Variants in PPOX observed in about 807,000 individuals in gnomAD.
PPOX encodes protoporphyrinogen oxidase.
Under a neutral mutation model 54.1 loss-of-function variants are expected in PPOX, and 23 were observed. The observed-to-expected ratio is 0.43, with a 90% CI of 0.31 to 0.60. The LOEUF is 0.60. Among genes scored for constraint, PPOX ranks in the 20% least tolerant of loss-of-function variants. The pLI, the probability that PPOX is intolerant of heterozygous loss-of-function variation, is 0.13. For synonymous variants in PPOX, 224 were observed against 236.1 expected (o/e 0.95, Z 0.47); for missense variants, 512 against 601.1 (o/e 0.85, Z 1.55).
downstream of PPOX, chr1:161,175,202 G>A: frequency 6.2e-7 from 1 of 1,613,528 alleles, no homozygotes; most frequent in Non-Finnish European, 8.5e-7. Context: ...GATGGCACTG[G>A]GCTAAAGGAC....
chr1:161,167,651 G>A lies in PPOX; in HGVS notation c.338+165G>A, dbSNP rs182987175. On this transcript the variant is annotated intron_variant, in intron 4 of 12. Transcript: ENST00000367999. ...GCGATCTTGGCTCACTGCAACTTCC[G>A]CCTTTCGGGTTCAAGCGATTCTCCT... The A allele has an allele frequency of 4.6e-4, 454 of 987,010 alleles. 2 individuals are homozygous for A. In the African/African-American group the frequency reaches 7.9e-3, roughly 17 times the overall value. 61.1% of individuals were successfully genotyped at this position (987,010 alleles called of 1,614,324 possible). A position where few individuals can be genotyped will look rare whatever the true frequency, so the allele number is the denominator to read the frequency against.
At chr1:161,176,602 T>A in intron 4 of PPOX, 1 of 543,280 alleles carries the variant, frequency 1.8e-6, no homozygotes, top group South Asian at 2.3e-5. Flanking sequence ...TGGTAAAGGA[T>A]AACTAGCTAC....
rs758987522 is a variant in PPOX at position 161,166,929 on chromosome 1, C to A, written c.82C>A (p.Pro28Thr). ...CCACCTGAGCCGGGCCCCCTGCCCC[C>A]CTAAGGTGAGTGCTCCACTTGTGCC... ...SYHLSRAPCP[P>T]KVVLVESSER... Residue 28 changes from proline to threonine, a missense_variant, in exon 2 of 13, where the codon CCT becomes ACT. Transcript: ENST00000367999. The A allele has an allele frequency of 1.5e-5, 24 of 1,613,876 alleles. No individual in the cohort carries two copies. Among genetic ancestry groups the A allele is most frequent in the Middle Eastern group, 1.6e-4 (1 of 6,082 alleles).
Position 161,169,066 on chromosome 1 carries a change from T to C in PPOX, c.690T>C (p.Arg230=), listed in dbSNP as rs1558030014. The change falls in exon 7 of 13, where the codon CGT becomes CGC. Residue 230 remains arginine (R), a synonymous_variant. Coordinates refer to ENST00000367999, the MANE Select transcript of PPOX (RefSeq NM_001122764.3). ...AGCGCTGGAGCCAGTGGTCACTTCGTGGAGGTCTAGAGATGTTGCCTCAGG... is the reference window on the plus strand; with the variant it reads ...AGCGCTGGAGCCAGTGGTCACTTCGCGGAGGTCTAGAGATGTTGCCTCAGG... The part of the protein sequence containing the change: ...LAERWSQWSL[R]GGLEMLPQAL... The C allele has an allele frequency of 5.6e-6, 9 of 1,614,200 alleles. No individual in the cohort carries two copies. The highest frequency in any genetic ancestry group is 6.8e-6 in the Non-Finnish European group (8 of 1,180,036).
chr1:161,171,275 C>T (rs924674223), downstream of PPOX: 39 of 1,584,086 alleles, frequency 2.5e-5, no homozygotes, highest in African/African-American at 4.0e-5. Flanking sequence ...AGCAAAGAGG[C>T]AAAGTGTGCC....
Position 161,171,023 on chromosome 1 carries a change from T to G in PPOX, c.1292-11T>G. 6.2e-7 allele frequency: 1 copy of G among 1,614,224 alleles called. No individual in the cohort carries two copies. Among genetic ancestry groups the G allele is most frequent in the Non-Finnish European group, 8.5e-7 (1 of 1,180,036 alleles). Reference sequence around the variant, plus strand: ...CCCAGCTAAAACATTCCTTTCATCCTTTCCTTCCAGAGTCAGCTAGGCAAT... The same window carrying G: ...CCCAGCTAAAACATTCCTTTCATCCGTTCCTTCCAGAGTCAGCTAGGCAAT... On this transcript the variant is annotated splice_polypyrimidine_tract_variant and intron_variant, in intron 12 of 12. Coordinates refer to ENST00000367999, the MANE Select transcript of PPOX (RefSeq NM_001122764.3).
chr1:161,171,426 C>A, downstream of PPOX: 1 of 640,056 alleles, frequency 1.6e-6, no homozygotes, highest in Admixed American at 2.9e-5. Flanking sequence ...GCTTCCTTCA[C>A]CAAACAACTT....
At chr1:161,173,751 T>C (rs201558506), downstream of PPOX, 4,996 of 1,614,020 alleles carry the variant, frequency 3.1e-3, 12 homozygotes, top group Non-Finnish European at 3.8e-3. Flanking sequence ...GATCCTTGCA[T>C]ACCCCGAGTC....
At position 161,168,646 on chromosome 1, in the gene PPOX, T is replaced by G. The variant is rs1659987282; in HGVS notation, c.616+70T>G. ...AAAGTGAGGGAGTGGGGACAAGGGG[T>G]GCTATTCAATGATTCTTTTTTTCTT... On this transcript the variant is annotated intron_variant, in intron 6 of 12. Transcript: ENST00000367999. 2.6e-6 allele frequency: 4 copies of G among 1,564,384 alleles called. No homozygotes were observed. In the East Asian group the frequency reaches 9.0e-5, roughly 35 times the overall value.
At chr1:161,176,071 A>C (rs373176632), downstream of PPOX, 20 of 1,612,938 alleles carry the variant, frequency 1.2e-5, no homozygotes, top group Non-Finnish European at 1.7e-5. Context: ...CCTGGGGGTG[A>C]GATCTAGGGA....
chr1:161,166,364 C>G, upstream of PPOX: 1 of 1,051,168 alleles, frequency 9.5e-7, no homozygotes. Context: ...CCGGGGCCTT[C>G]CAAGTCCCGC....
intron 5 of PPOX, 119 bp from the exon 6 acceptor site, chr1:161,168,313 A>G: frequency 6.4e-7 from 1 of 1,560,246 alleles, no homozygotes; most frequent in South Asian, 1.1e-5. Context: ...CATCCGTCAC[A>G]GTGGGAATGT....
chr1:161,173,615 TGTC>T, downstream of PPOX: 1 of 1,613,986 alleles, frequency 6.2e-7, no homozygotes, highest in Non-Finnish European at 8.5e-7. Flanking sequence ...CTGGTAGCAA[TGTC>T]GTCATCCTCA....
Position 161,166,928 on chromosome 1 carries a change from CCCT to C in PPOX, c.82_84del (p.Pro28del). On this transcript the variant is annotated inframe_deletion, in exon 2 of 13. Coordinates refer to ENST00000367999, the MANE Select transcript of PPOX (RefSeq NM_001122764.3). The stretch of plus-strand genomic sequence containing the variant: ...ACCACCTGAGCCGGGCCCCCTGCCC[CCCT>C]AAGGTGAGTGCTCCACTTGTGCCAG... The C allele has an allele frequency of 6.2e-7, 1 of 1,613,976 alleles. No individual in the cohort carries two copies. Among genetic ancestry groups the C allele is most frequent in the South Asian group, 1.1e-5 (1 of 91,086 alleles).
rs1243106058 is a variant in PPOX, at chr1:161,168,141, A to G, written c.471+14A>G. 20 of 1,614,152 alleles carry G rather than the reference A, an allele frequency of 1.2e-5. No homozygotes were observed. Among genetic ancestry groups the G allele is most frequent in the Non-Finnish European group, 1.7e-5 (20 of 1,180,014 alleles). On this transcript the variant is annotated intron_variant, in intron 5 of 12. Transcript: ENST00000367999. The stretch of plus-strand genomic sequence containing the variant: ...CTTGGACCTGAGGTGACACTTGCCC[A>G]GAGGCCCCAAACCTCTTCCCTCCTA...
rs1660556858 is a variant in PPOX at position 161,169,940 on chromosome 1, T to C, written c.903T>C (p.Pro301=). ...LSELLPAEAA[P]LARALSAITA... ...AGCTGCTCCCTGCTGAGGCTGCCCC[T>C]CTGGCTCGTGCCCTGAGTGCCATCA... is the stretch of plus-strand genomic sequence containing the variant. The change falls in exon 9 of 13, where the codon CCT becomes CCC. Residue 301 remains proline, a synonymous_variant. Coordinates refer to ENST00000367999, the MANE Select transcript of PPOX (RefSeq NM_001122764.3). The C allele has an allele frequency of 6.2e-7, 1 of 1,614,180 alleles. No homozygotes were observed. Among genetic ancestry groups the C allele is most frequent in the African/African-American group, 1.3e-5 (1 of 75,054 alleles).
chr1:161,171,680 G>C (rs978681066), downstream of PPOX: 2 of 1,270,924 alleles, frequency 1.6e-6, no homozygotes, highest in Non-Finnish European at 2.2e-6. Context: ...AGCAGTGAGG[G>C]AGAGGCCCCT....
At chr1:161,165,854 T>A (rs1294052379), upstream of PPOX, 1 of 174,738 alleles carries the variant, frequency 5.7e-6, no homozygotes, top group Admixed American at 5.6e-5. Flanking sequence ...GTTTCGGGGA[T>A]GGTGCTGGAC....
chr1:161,166,696 G>T, intron 1 of PPOX, 24 bp downstream of exon 1: 3 of 1,524,226 alleles, frequency 2.0e-6, no homozygotes, highest in Admixed American at 2.0e-5. Context: ...CCTGGACGGG[G>T]ACCTCGCTGT....
Sources: gnomAD v4.1 joint callset for allele counts on GRCh38, gnomAD v4.1.1 for gene constraint, MANE v1.5 for transcripts, NCBI Gene and HGNC (gene_info 2026-07-23, HGNC 2026-07-21) for gene names.